The following SERPINC1 variants were observed in gnomAD, a reference collection of about 807,000 sequenced individuals.
SERPINC1 encodes antithrombin-III.
SERPINC1 carries 12 observed loss-of-function variants against 43.4 expected under a neutral mutation model. The observed-to-expected ratio is 0.28, with a 90% confidence interval of 0.18 to 0.45. The LOEUF (loss-of-function observed/expected upper bound fraction) is 0.45. Among genes scored for constraint, SERPINC1 ranks in the 20% least tolerant of loss-of-function variants. The pLI, the probability that SERPINC1 is intolerant of heterozygous loss-of-function variation, is 1.00. For synonymous variants in SERPINC1, 210 were observed against 218.9 expected (o/e 0.96, Z 0.36); for missense variants, 423 against 578.8 (o/e 0.73, Z 2.76).
Position 173,914,567 on chromosome 1 carries a change from G to A in SERPINC1, c.394C>T (p.Gln132Ter). ...TKLGACNDTL[Q>*]QLMEVFKFDT... ...TTTGGTCGTACCTCCATCAGTTGCT[G>A]GAGGGTGTCATTACAGGCACCCAGC... Residue 132 changes from glutamine (Q) to a stop codon, truncating the protein, a stop_gained, in exon 2 of 7, where the codon CAG (glutamine) becomes TAG (stop). Coordinates refer to ENST00000367698, the MANE Select transcript of SERPINC1 (RefSeq NM_000488.4). LOFTEE classifies it high-confidence loss of function. The A allele has an allele frequency of 6.2e-7, 1 of 1,614,138 alleles. No homozygotes were observed. Among genetic ancestry groups the A allele is most frequent in the South Asian group, 1.1e-5 (1 of 91,082 alleles).
intron 6 of SERPINC1, among the ~76,000 whole-genome samples, chr1:173,905,466 TC>T (rs1280291390): frequency 5.8e-5 from 6 of 102,876 alleles, no homozygotes; most frequent in African/African-American, 3.7e-4. Context: ...ATGCCTGTAA[TC>T]CCAGCACTTT....
At chr1:173,907,568 C>A in intron 5 of SERPINC1, 54 bp from the exon 6 acceptor site, 2 of 1,277,510 alleles carry the variant, frequency 1.6e-6, no homozygotes, top group South Asian at 2.4e-5. Context: ...TGGCTTCAAC[C>A]CACAGATGGG....
chr1:173,907,985 A>AATAAT (rs1320710926), intron 5 of SERPINC1, among the ~76,000 whole-genome samples: 1 of 11,086 alleles, frequency 9.0e-5, no homozygotes, highest in African/African-American at 1.0e-3. Context: ...GCATCTCAAA[A>AATAAT]ATAATAATAA....
intron 5 of SERPINC1, among the ~76,000 whole-genome samples, chr1:173,908,490 CAA>C (rs753240633): frequency 9.1e-4 from 49 of 54,034 alleles, no homozygotes; most frequent in East Asian, 1.9e-3. Context: ...GACTTCGTCT[CAA>C]AAAAAAAAAA....
intron 1 of SERPINC1, among the ~76,000 whole-genome samples, chr1:173,916,095 A>G (rs921691380): frequency 6.6e-6 from 1 of 152,258 alleles, no homozygotes; most frequent in Non-Finnish European, 1.5e-5. Flanking sequence ...ATAGTCGCCA[A>G]CATGGATTCA....
At chr1:173,913,209 A>C (rs1436701062) in intron 2 of SERPINC1, among the ~76,000 whole-genome samples, 1 of 152,224 alleles carries the variant, frequency 6.6e-6, no homozygotes, top group East Asian at 1.9e-4. Flanking sequence ...GTGTGATCCA[A>C]CTTGAAGAAA....
intron 6 of SERPINC1, among the ~76,000 whole-genome samples, chr1:173,906,907 C>T (rs796955523): frequency 6.6e-6 from 1 of 152,080 alleles, no homozygotes; most frequent in South Asian, 2.1e-4. Flanking sequence ...CACCTGAGAT[C>T]GGGAGTTCAA....
At chr1:173,916,534 C>T in intron 1 of SERPINC1, among the ~76,000 whole-genome samples, 1 of 152,202 alleles carries the variant, frequency 6.6e-6, no homozygotes, top group East Asian at 1.9e-4. Context: ...GAGGAGAGGA[C>T]CCTGCCATTC....
intron 5 of SERPINC1, 33 bp downstream of exon 5, chr1:173,909,519 T>C: frequency 3.7e-6 from 6 of 1,611,184 alleles, no homozygotes; most frequent in Non-Finnish European, 5.1e-6. Context: ...ACCTTGCGGG[T>C]GGAGAAGGGA....
chr1:173,905,945 C>G (rs1657484998), intron 6 of SERPINC1, among the ~76,000 whole-genome samples: 1 of 152,174 alleles, frequency 6.6e-6, no homozygotes, highest in South Asian at 2.1e-4. Flanking sequence ...TTTCCTCGCT[C>G]CCGTTAAAAT....
chr1:173,916,328 C>T (rs1020780002), intron 1 of SERPINC1, among the ~76,000 whole-genome samples: 1 of 152,146 alleles, frequency 6.6e-6, no homozygotes, highest in African/African-American at 2.4e-5. Context: ...AAGACAGGCA[C>T]CCAGTGCAGA....
chr1:173,915,869 C>T (rs554282741), intron 1 of SERPINC1, among the ~76,000 whole-genome samples: 2 of 152,282 alleles, frequency 1.3e-5, no homozygotes, highest in South Asian at 4.2e-4. Flanking sequence ...AATTAATTCT[C>T]CCCCACAGGC....
chr1:173,907,117 CAA>C (rs112071190), intron 6 of SERPINC1, among the ~76,000 whole-genome samples: 10 of 138,438 alleles, frequency 7.2e-5, no homozygotes, highest in African/African-American at 1.6e-4. Flanking sequence ...AGCTCTGTCT[CAA>C]AAAAAAAAAA....
chr1:173,912,106 G>A, intron 2 of SERPINC1, 92 bp from the exon 3 acceptor site: 1 of 876,580 alleles, frequency 1.1e-6, no homozygotes, highest in Non-Finnish European at 1.9e-6. Flanking sequence ...CTGACTAATA[G>A]CCACCTCAGT....
chr1:173,905,702 G>A (rs1657472922), intron 6 of SERPINC1, among the ~76,000 whole-genome samples: 1 of 150,202 alleles, frequency 6.7e-6, no homozygotes, highest in South Asian at 2.1e-4. Flanking sequence ...GCCTAGGCGA[G>A]AGAGCAAGAC....
intron 4 of SERPINC1, 61 bp downstream of exon 4, chr1:173,910,693 A>G (rs1050432035): frequency 6.8e-5 from 105 of 1,552,586 alleles, no homozygotes; most frequent in Non-Finnish European, 8.5e-5. Flanking sequence ...TTAAAAAAAA[A>G]GGGGGTAAGC....
rs746402824 is a variant in SERPINC1, at chr1:173,903,994, G to T, written c.1290C>A (p.Asn430Lys). ...VVIAGRSLNP[N>K]RVTFKANRPF... is the part of the protein sequence containing the mutation. Reference sequence around the variant, plus strand: ...GCCTGTTGGCCTTGAAAGTCACCCTGTTGGGGTTTAGCGAACGGCCAGCAA... The same window carrying T: ...GCCTGTTGGCCTTGAAAGTCACCCTTTTGGGGTTTAGCGAACGGCCAGCAA... The change falls in exon 7 of 7, where the codon AAC becomes AAA. Residue 430 changes from asparagine (N) to lysine (K), a missense_variant. Transcript: ENST00000367698. The T allele has an allele frequency of 6.2e-7, 1 of 1,614,178 alleles. No homozygotes were observed.
Position 173,912,014 on chromosome 1 carries a change from C to T in SERPINC1, c.409G>A (p.Val137Ile), listed in dbSNP as rs1657792931. The T allele has an allele frequency of 6.2e-7, 1 of 1,611,992 alleles. No individual in the cohort carries two copies. The highest frequency in any genetic ancestry group is 1.1e-5 in the South Asian group (1 of 91,038). The change falls in exon 3 of 7, where the codon GTA (valine) becomes ATA (isoleucine). Residue 137 changes from valine to isoleucine, a missense_variant and splice_region_variant. Coordinates refer to ENST00000367698, the MANE Select transcript of SERPINC1 (RefSeq NM_000488.4). The part of the protein sequence containing the change: ...CNDTLQQLME[V>I]FKFDTISEKT... ...TCAGATATGGTGTCAAACTTAAATA[C>T]CTATAGAAGTCAAAAAAAAATGGTG...
chr1:173,907,447 C>T lies in SERPINC1; in HGVS notation c.1218+3G>A, dbSNP rs757611426. Reference sequence around the variant, plus strand: ...CCTAAGAGAGTGGGGAAGGTGTACTCACCTCAAGAAATGCCTTATGGAATG... The same window carrying T: ...CCTAAGAGAGTGGGGAAGGTGTACTTACCTCAAGAAATGCCTTATGGAATG... On this transcript the variant is annotated splice_donor_region_variant and intron_variant, in intron 6 of 6. Transcript: ENST00000367698. 4.4e-6 allele frequency: 7 copies of T among 1,608,076 alleles called. No individual in the cohort carries two copies. The South Asian group carries it at 4.4e-5, about 10-fold the overall frequency.
Sources: gnomAD v4.1 joint callset for allele counts (sites outside exome capture counted in the v4.1 genomes callset) on GRCh38, gnomAD v4.1.1 for gene constraint, MANE v1.5 for transcripts, NCBI Gene and HGNC (gene_info 2026-07-23, HGNC 2026-07-21) for gene names.